EPHA5: variants seen among roughly 807,000 people sequenced by gnomAD.
The protein encoded by EPHA5 is ephrin type-A receptor 5.
In EPHA5, 60 loss-of-function variants were observed where a neutral mutation model predicts 105.0. That is an observed-to-expected ratio of 0.57 (90% CI 0.46 to 0.71). The LOEUF is 0.71. EPHA5 is among the 30% of genes least tolerant of loss of function. The pLI is 0.00. For missense variants in EPHA5, 1,218 were observed against 1,274.7 expected (o/e 0.96, Z 0.68); for synonymous variants, 513 against 449.1 (o/e 1.14, Z -1.80).
intron 3 of EPHA5, among the ~76,000 whole-genome samples, chr4:65,569,156 C>T (rs1234088512): frequency 2.0e-5 from 3 of 151,274 alleles, no homozygotes; most frequent in African/African-American, 7.3e-5. Flanking sequence ...TTAAAAGACA[C>T]AAAAAAATTT....
chr4:65,600,365 A>G (rs1272233380), intron 3 of EPHA5, among the ~76,000 whole-genome samples: 1 of 152,062 alleles, frequency 6.6e-6, no homozygotes, highest in African/African-American at 2.4e-5. Context: ...AATCAGATGT[A>G]GAAAGTTGTA....
At chr4:65,650,726 C>T (rs1202353614) in intron 1 of EPHA5, among the ~76,000 whole-genome samples, 7 of 152,016 alleles carry the variant, frequency 4.6e-5, no homozygotes, top group Non-Finnish European at 1.0e-4. Flanking sequence ...ACAGTATAAC[C>T]AGTCCAGTTA....
chr4:65,387,583 C>T (rs754505288), intron 8 of EPHA5, among the ~76,000 whole-genome samples: 8 of 151,840 alleles, frequency 5.3e-5, no homozygotes, highest in Non-Finnish European at 7.4e-5. Context: ...AAAAAAAAGC[C>T]TTACCCTGGC....
At chr4:65,336,660 G>A (rs1337210116) in intron 14 of EPHA5, among the ~76,000 whole-genome samples, 1 of 152,014 alleles carries the variant, frequency 6.6e-6, no homozygotes, top group Non-Finnish European at 1.5e-5. Flanking sequence ...TAATGTCAAG[G>A]TCTGACTGTT....
chr4:65,555,780 T>C (rs1459956442), intron 3 of EPHA5, among the ~76,000 whole-genome samples: 1 of 141,312 alleles, frequency 7.1e-6, no homozygotes, highest in Non-Finnish European at 1.5e-5. Context: ...ATATATACCA[T>C]ATTCAGACTG....
At chr4:65,594,905 T>C (rs1743017629) in intron 3 of EPHA5, among the ~76,000 whole-genome samples, 1 of 152,172 alleles carries the variant, frequency 6.6e-6, no homozygotes, top group Non-Finnish European at 1.5e-5. Context: ...TTTAAGATAA[T>C]AATAAATGTA....
chr4:65,586,416 CT>C (rs1408871347), intron 3 of EPHA5, among the ~76,000 whole-genome samples: 1 of 151,352 alleles, frequency 6.6e-6, no homozygotes, highest in African/African-American at 2.4e-5. Context: ...ATAATTAGTT[CT>C]TTTTATATCT....
chr4:65,662,721 G>A (rs757471628), intron 1 of EPHA5, among the ~76,000 whole-genome samples: 12 of 152,004 alleles, frequency 7.9e-5, no homozygotes, highest in Non-Finnish European at 1.2e-4. Flanking sequence ...GTGTATGTGG[G>A]CAGGGGTGAT....
intron 8 of EPHA5, among the ~76,000 whole-genome samples, chr4:65,383,881 G>A (rs185948541): frequency 5.3e-5 from 8 of 151,936 alleles, no homozygotes; most frequent in East Asian, 1.9e-4. Flanking sequence ...TATGAATCAC[G>A]TAAGCCATAT....
At chr4:65,451,484 T>C (rs1727060475) in intron 5 of EPHA5, among the ~76,000 whole-genome samples, 1 of 152,136 alleles carries the variant, frequency 6.6e-6, no homozygotes, top group African/African-American at 2.4e-5. Flanking sequence ...AAAAATAGAA[T>C]TAATAAACAT....
intron 5 of EPHA5, among the ~76,000 whole-genome samples, chr4:65,433,739 TC>T (rs1725212575): frequency 6.6e-6 from 1 of 152,174 alleles, no homozygotes; most frequent in Non-Finnish European, 1.5e-5. Flanking sequence ...CTACTGGACT[TC>T]CTTGGCTCCA....
intron 5 of EPHA5, among the ~76,000 whole-genome samples, chr4:65,438,673 ACAG>A (rs1725722437): frequency 6.6e-6 from 1 of 152,038 alleles, no homozygotes; most frequent in African/African-American, 2.4e-5. Context: ...GTGGAAGTGA[ACAG>A]TAGAGAGATA....
rs574463868 is a variant in EPHA5, at chr4:65,561,980, G to A, written c.910+39661C>T. Among the ~76,000 whole-genome samples the A allele has an allele frequency of 3.3e-5, 5 of 152,030 alleles. No individual in the cohort carries two copies. The East Asian group carries it at 9.6e-4, about 29-fold the overall frequency. Reference sequence around the variant, plus strand: ...TGATCATCCAAATCTGAAAATATTTGGAACTAACCTGATAAATGTCTGCAA... The same window carrying A: ...TGATCATCCAAATCTGAAAATATTTAGAACTAACCTGATAAATGTCTGCAA... On this transcript the variant is annotated intron_variant, in intron 3 of 16. Coordinates refer to ENST00000613740, the MANE Select transcript of EPHA5 (RefSeq NM_001281766.3).
chr4:65,481,465 T>C (rs1408392067), intron 5 of EPHA5, among the ~76,000 whole-genome samples: 5 of 152,240 alleles, frequency 3.3e-5, no homozygotes. Flanking sequence ...TGAGTCCTTC[T>C]TGCTAGCAGA....
intron 1 of EPHA5, among the ~76,000 whole-genome samples, chr4:65,657,586 T>A (rs2149541456): frequency 1.3e-5 from 2 of 152,282 alleles, no homozygotes; most frequent in East Asian, 3.9e-4. Flanking sequence ...CATAGAATCT[T>A]TTAGTTGGTA....
intron 3 of EPHA5, among the ~76,000 whole-genome samples, chr4:65,594,849 G>T (rs1392873166): frequency 6.6e-6 from 1 of 152,088 alleles, no homozygotes; most frequent in Non-Finnish European, 1.5e-5. Flanking sequence ...TTTCATGTTT[G>T]ATATGCATGC....
chr4:65,367,835 A>G (rs1171950882), intron 8 of EPHA5, among the ~76,000 whole-genome samples: 1 of 151,966 alleles, frequency 6.6e-6, no homozygotes, highest in Admixed American at 6.6e-5. Flanking sequence ...ATCACCCTGC[A>G]CAATAGATTT....
At chr4:65,368,306 T>A (rs985796431) in intron 8 of EPHA5, among the ~76,000 whole-genome samples, 2 of 152,146 alleles carry the variant, frequency 1.3e-5, no homozygotes, top group African/African-American at 4.8e-5. Context: ...GTTATGTTCT[T>A]ATTCCTGGTA....
chr4:65,445,089 C>A (rs979735438), intron 5 of EPHA5, among the ~76,000 whole-genome samples: 7 of 151,964 alleles, frequency 4.6e-5, no homozygotes, highest in Non-Finnish European at 8.8e-5. Context: ...TTCTAGTCTG[C>A]AAATGTCTCT....
Sources: gnomAD v4.1 joint callset for allele counts (sites outside exome capture counted in the v4.1 genomes callset) on GRCh38, gnomAD v4.1.1 for gene constraint, MANE v1.5 for transcripts, NCBI Gene and HGNC (gene_info 2026-07-23, HGNC 2026-07-21) for gene names.